IL12RB2: variants seen among roughly 807,000 people sequenced by gnomAD.
IL12RB2 encodes the protein interleukin-12 receptor subunit beta-2.
In IL12RB2, 82 loss-of-function variants were observed where a neutral mutation model predicts 89.4. The observed-to-expected ratio is 0.92, with a 90% CI of 0.77 to 1.10. The LOEUF is 1.10. IL12RB2 is among the 50% of genes least tolerant of loss of function. The pLI, the probability that IL12RB2 is intolerant of heterozygous loss-of-function variation, is 0.00. For missense variants in IL12RB2, 963 were observed against 1,031.9 expected, an observed-to-expected ratio of 0.93 and a Z score of 0.92; for synonymous variants, 368 against 370.1, an observed-to-expected ratio of 0.99 and a Z score of 0.07.
chr1:67,330,273 TA>T (rs66726768), intron 7 of IL12RB2, among the ~76,000 whole-genome samples: 5 of 150,510 alleles, frequency 3.3e-5, no homozygotes, highest in Admixed American at 6.6e-5. Context: ...AGGGTTTTTT[TA>T]AAAAAAAAAA....
chr1:67,336,546 T>C (rs1658783957), intron 8 of IL12RB2, among the ~76,000 whole-genome samples: 1 of 151,950 alleles, frequency 6.6e-6, no homozygotes, highest in Non-Finnish European at 1.5e-5. Context: ...TACCTCTAAG[T>C]CCTCACTGCA....
intron 2 of IL12RB2, among the ~76,000 whole-genome samples, chr1:67,319,084 T>C (rs1350359850): frequency 6.6e-6 from 1 of 152,206 alleles, no homozygotes; most frequent in Non-Finnish European, 1.5e-5. Flanking sequence ...CTCTAGCACT[T>C]AGTGTGCCTA....
intron 8 of IL12RB2, among the ~76,000 whole-genome samples, chr1:67,334,600 T>C (rs1224559401): frequency 6.6e-6 from 1 of 150,718 alleles, no homozygotes; most frequent in African/African-American, 2.4e-5. Context: ...TACCTCAGCC[T>C]CCCGAGTAGC....
At chr1:67,330,608 T>A (rs1241551828) in intron 7 of IL12RB2, 52 bp from the exon 8 acceptor site, 11 of 883,280 alleles carry the variant, frequency 1.2e-5, no homozygotes, top group Non-Finnish European at 2.1e-5. Flanking sequence ...TAAAATTCCT[T>A]AAATTAGCAA....
At chr1:67,320,583 G>T (rs1207289273) in intron 3 of IL12RB2, 139 bp downstream of exon 3, 59 of 1,450,750 alleles carry the variant, frequency 4.1e-5, no homozygotes, top group Non-Finnish European at 4.3e-5. Flanking sequence ...GGATAAGTCT[G>T]GTTCTGTCTA....
intron 10 of IL12RB2, among the ~76,000 whole-genome samples, chr1:67,356,542 C>T (rs987387491): frequency 1.3e-4 from 20 of 152,118 alleles, no homozygotes; most frequent in South Asian, 4.2e-4. Context: ...AATTCCCTCA[C>T]GAAAAGCAGT....
chr1:67,368,191 G>C (rs1259108374), intron 11 of IL12RB2, among the ~76,000 whole-genome samples, 166 bp downstream of exon 11: 1 of 152,206 alleles, frequency 6.6e-6, no homozygotes, highest in Non-Finnish European at 1.5e-5. Flanking sequence ...CTCCACTGCA[G>C]ACATAAATGA....
intron 3 of IL12RB2, 29 bp downstream of exon 3, chr1:67,320,473 G>A (rs1656347901): frequency 6.2e-7 from 1 of 1,612,840 alleles, no homozygotes; most frequent in South Asian, 1.1e-5. Context: ...TTACTCTGTG[G>A]AAGAATTTGT....
chr1:67,336,148 G>C (rs971413834), intron 8 of IL12RB2, among the ~76,000 whole-genome samples: 3 of 152,170 alleles, frequency 2.0e-5, no homozygotes, highest in African/African-American at 7.2e-5. Context: ...TCAGGTCTTG[G>C]TCAATGTAGT....
intron 16 of IL12RB2, among the ~76,000 whole-genome samples, chr1:67,393,449 G>A (rs551786791): frequency 1.8e-4 from 28 of 152,280 alleles, no homozygotes; most frequent in African/African-American, 4.6e-4. Flanking sequence ...TTGTGAAAAC[G>A]ACAAGCCATT....
intron 10 of IL12RB2, among the ~76,000 whole-genome samples, chr1:67,367,608 A>G (rs758208465): frequency 6.6e-6 from 1 of 152,178 alleles, no homozygotes; most frequent in Non-Finnish European, 1.5e-5. Flanking sequence ...AATTGTACAC[A>G]TGACATTTTA....
At chr1:67,363,290 C>T (rs1442365559) in intron 10 of IL12RB2, among the ~76,000 whole-genome samples, 8 of 143,848 alleles carry the variant, frequency 5.6e-5, no homozygotes, top group African/African-American at 2.1e-4. Flanking sequence ...GATCTTGGCT[C>T]ACCACAACCT....
At position 67,330,747 on chromosome 1, in the gene IL12RB2, C is replaced by T; in HGVS notation, c.895C>T (p.His299Tyr). The change falls in exon 8 of 17, where the codon CAT (histidine) becomes TAT (tyrosine). Residue 299 changes from histidine (H) to tyrosine (Y), a missense_variant. Physicochemically the swap from His to Tyr is moderately conservative, Grantham distance 83. Coordinates refer to ENST00000674203, the MANE Select transcript of IL12RB2 (RefSeq NM_001374259.2). The stretch of plus-strand genomic sequence containing the variant: ...TGAATTTCAGATTTCCTCTAAGCTA[C>T]ATCTTTATAAGGGAAGTTGGAGTGA... ...EYEFQISSKL[H>Y]LYKGSWSDWS... 2 of 1,549,100 alleles carry T rather than the reference C, an allele frequency of 1.3e-6. No individual in the cohort carries two copies. The highest frequency in any genetic ancestry group is 8.9e-7 in the Non-Finnish European group (1 of 1,121,046).
Position 67,326,785 on chromosome 1 carries a change from G to C in IL12RB2, c.415G>C (p.Gly139Arg), listed in dbSNP as rs1192544722. The change falls in exon 5 of 17, where the codon GGG becomes CGG. Residue 139 changes from glycine (G) to arginine (R), a missense_variant. Coordinates refer to ENST00000674203, the MANE Select transcript of IL12RB2 (RefSeq NM_001374259.2). ...NLSCIQKGEQ[G>R]TVACTWERGR... ...ATCCTGCATACAGAAGGGAGAACAG[G>C]GGACTGTGGCCTGCACCTGGGAAAG... 1.2e-6 allele frequency: 2 copies of C among 1,613,740 alleles called. No homozygotes were observed. The highest frequency in any genetic ancestry group is 2.2e-5 in the East Asian group (1 of 44,884).
In IL12RB2 at chr1:67,346,376, C is replaced by T. The variant is rs984105536; in HGVS notation, c.1039-4494C>T. 9.7e-4 allele frequency among the ~76,000 whole-genome samples: 83 copies of T among 85,956 alleles called. 4 individuals are homozygous for T. Among genetic ancestry groups the T allele is most frequent in the African/African-American group, 4.0e-3 (79 of 19,670 alleles). 56.4% of individuals were successfully genotyped at this position (85,956 alleles called of 152,430 possible). On this transcript the variant is annotated intron_variant, in intron 9 of 16. Coordinates refer to ENST00000674203, the MANE Select transcript of IL12RB2 (RefSeq NM_001374259.2). The stretch of plus-strand genomic sequence containing the variant: ...TCTAAAATGTCCAGGTGAGGGTTGT[C>T]TATTTTTTTTTTTTTTTTTTTTTTT...
intron 6 of IL12RB2, 141 bp from the exon 7 acceptor site, chr1:67,329,446 C>A (rs1038354935): frequency 2.9e-6 from 2 of 693,190 alleles, no homozygotes; most frequent in African/African-American, 1.8e-5. Flanking sequence ...TGGAACTTTT[C>A]TCTTGTATAT....
chr1:67,351,412 T>C (rs995767866), intron 10 of IL12RB2, among the ~76,000 whole-genome samples: 5 of 152,202 alleles, frequency 3.3e-5, no homozygotes, highest in Admixed American at 2.0e-4. Context: ...TTACATTAAA[T>C]TGAACACCAA....
chr1:67,326,769 A>G lies in IL12RB2; in HGVS notation c.399A>G (p.Ile133Met). The G allele has an allele frequency of 6.2e-7, 1 of 1,613,860 alleles. No individual in the cohort carries two copies. The highest frequency in any genetic ancestry group is 8.5e-7 in the Non-Finnish European group (1 of 1,179,828). ...AACAGCCTCAAAATTTATCCTGCATACAGAAGGGAGAACAGGGGACTGTGG... is the reference window on the plus strand; with the variant it reads ...AACAGCCTCAAAATTTATCCTGCATGCAGAAGGGAGAACAGGGGACTGTGG... The part of the protein sequence containing the change: ...APEQPQNLSC[I>M]QKGEQGTVAC... Residue 133 changes from isoleucine (I) to methionine (M), a missense_variant, in exon 5 of 17, where the codon ATA becomes ATG. Ile to Met is a conservative substitution (Grantham distance 10, BLOSUM62 1). Transcript: ENST00000674203.
intron 11 of IL12RB2, among the ~76,000 whole-genome samples, chr1:67,368,916 T>A (rs780398092): frequency 4.6e-5 from 7 of 152,218 alleles, no homozygotes; most frequent in Non-Finnish European, 8.8e-5. Context: ...GTAATTTAGC[T>A]CTCATCATTA....
Sources: gnomAD v4.1 joint callset for allele counts (sites outside exome capture counted in the v4.1 genomes callset) on GRCh38, gnomAD v4.1.1 for gene constraint, MANE v1.5 for transcripts, NCBI Gene and HGNC (gene_info 2026-07-23, HGNC 2026-07-21) for gene names.